SBNO1: variants seen among roughly 807,000 people sequenced by gnomAD.
The protein encoded by SBNO1 is protein strawberry notch homolog 1.
SBNO1 carries 23 observed loss-of-function variants against 173.6 expected under a neutral mutation model. The ratio of observed to expected loss-of-function variants is 0.13; its 90% CI spans 0.10 to 0.19. The LOEUF (loss-of-function observed/expected upper bound fraction) is 0.19. Among genes scored for constraint, SBNO1 ranks in the 10% least tolerant of loss-of-function variants. The probability of loss-of-function intolerance (pLI) is 1.00; values close to 1 mark genes in which losing one functional copy is unlikely to be tolerated. For missense variants in SBNO1, 1,238 were observed against 1,671.2 expected (o/e 0.74, Z 4.52); for synonymous variants, 632 against 571.5 (o/e 1.11, Z -1.51).
intron 7 of SBNO1, among the ~76,000 whole-genome samples, chr12:123,332,930 C>A (rs147530811): frequency 0.023 from 3,539 of 152,238 alleles, 66 homozygotes; most frequent in Non-Finnish European, 0.038. Context: ...CGAGACCATC[C>A]TGGCTAACAC....
chr12:123,324,595 T>C (rs1037946921), intron 15 of SBNO1, among the ~76,000 whole-genome samples: 73 of 152,072 alleles, frequency 4.8e-4, no homozygotes, highest in African/African-American at 1.7e-3. Flanking sequence ...GTGCCTGGAT[T>C]ACAGGCGTGA....
chr12:123,344,293 C>T (rs777823868), intron 4 of SBNO1, among the ~76,000 whole-genome samples: 3 of 152,158 alleles, frequency 2.0e-5, no homozygotes, highest in Non-Finnish European at 4.4e-5. Context: ...AGTCCTAAGA[C>T]AGCTAAAATG....
intron 2 of SBNO1, among the ~76,000 whole-genome samples, chr12:123,349,869 C>T (rs1467169104): frequency 1.3e-5 from 2 of 151,738 alleles, no homozygotes; most frequent in East Asian, 1.9e-4. Context: ...GCTGAGATTG[C>T]GCCACTGCAC....
chr12:123,355,839 C>T (rs187781888), intron 1 of SBNO1, among the ~76,000 whole-genome samples: 37 of 152,122 alleles, frequency 2.4e-4, no homozygotes, highest in Admixed American at 1.3e-3. Flanking sequence ...CAAAACAGTA[C>T]GCCTATGAAA....
At chr12:123,360,607 G>A (rs1317429258) in intron 1 of SBNO1, among the ~76,000 whole-genome samples, 1 of 151,802 alleles carries the variant, frequency 6.6e-6, no homozygotes, top group Non-Finnish European at 1.5e-5. Flanking sequence ...ACCACGCCCA[G>A]CTAATTTTTT....
rs2048579406 is a variant in SBNO1, at chr12:123,295,613, C to T, written c.*295G>A. 6.7e-6 allele frequency: 2 copies of T among 298,508 alleles called. No individual in the cohort carries two copies. Among genetic ancestry groups the T allele is most frequent in the African/African-American group, 2.1e-5 (1 of 47,490 alleles). 18.5% of individuals were successfully genotyped at this position (298,508 alleles called of 1,614,324 possible). ...CAACTGTGGTCTGTAGCCTTTAACA[C>T]ACTCACAAACAGACTGACACACACG... On this transcript the variant is annotated 3_prime_UTR_variant, in exon 32 of 32. Transcript: ENST00000602398.
At chr12:123,319,578 T>G (rs1473875951) in intron 20 of SBNO1, among the ~76,000 whole-genome samples, 1 of 151,996 alleles carries the variant, frequency 6.6e-6, no homozygotes, top group Non-Finnish European at 1.5e-5. Context: ...CAGCTAAATT[T>G]TTGTATTTTC....
At chr12:123,363,467 T>C (rs568364423) in intron 1 of SBNO1, among the ~76,000 whole-genome samples, 1 of 152,312 alleles carries the variant, frequency 6.6e-6, no homozygotes, top group East Asian at 1.9e-4. Context: ...CCCTTCTGGA[T>C]GACTCTTTAG....
chr12:123,300,644 C>T (rs1277040061), intron 30 of SBNO1, among the ~76,000 whole-genome samples: 7 of 151,026 alleles, frequency 4.6e-5, no homozygotes, highest in African/African-American at 7.3e-5. Context: ...GGTGACAGAG[C>T]GAGACTCCAT....
At position 123,300,838 on chromosome 12, in the gene SBNO1, A is replaced by C. The variant is rs575528010; in HGVS notation, c.3845+1986T>G. On this transcript the variant is annotated intron_variant, in intron 30 of 31. Coordinates refer to ENST00000602398, the MANE Select transcript of SBNO1 (RefSeq NM_001167856.3). ...AGCTGCGCATGGTGGCAGGCACTGT[A>C]GTCCTAGCTACTCGGGAGGCTGAGG... 4.0e-5 allele frequency among the ~76,000 whole-genome samples: 6 copies of C among 151,204 alleles called. No homozygotes were observed. The East Asian group carries it at 1.2e-3, about 30-fold the overall frequency.
intron 1 of SBNO1, chr12:123,364,327 G>A (rs938801810): frequency 7.1e-6 from 7 of 984,758 alleles, no homozygotes; most frequent in Non-Finnish European, 8.4e-6. Context: ...GCAGCCCCCG[G>A]GTTGTGAGGC....
chr12:123,317,539 G>C (rs926787702), intron 20 of SBNO1, among the ~76,000 whole-genome samples, 183 bp from the exon 21 acceptor site: 17 of 152,096 alleles, frequency 1.1e-4, no homozygotes, highest in African/African-American at 3.9e-4. Flanking sequence ...GCAAGGTGTA[G>C]GTAAAATGTA....
intron 8 of SBNO1, 33 bp downstream of exon 8, chr12:123,331,209 C>T (rs748909962): frequency 3.5e-5 from 56 of 1,606,848 alleles, no homozygotes; most frequent in Middle Eastern, 1.6e-4. Context: ...TGATCCGCTG[C>T]GCCTGGCCCA....
At chr12:123,347,120 A>C (rs1873264514) in intron 3 of SBNO1, among the ~76,000 whole-genome samples, 1 of 151,632 alleles carries the variant, frequency 6.6e-6, no homozygotes, top group South Asian at 2.1e-4. Flanking sequence ...AATGTGTCGC[A>C]AAGTAGGAGG....
intron 28 of SBNO1, among the ~76,000 whole-genome samples, chr12:123,305,998 G>A (rs981002781): frequency 1.9e-4 from 29 of 152,130 alleles, no homozygotes; most frequent in Non-Finnish European, 1.2e-4. Flanking sequence ...CATTGTTTGC[G>A]GGGCTATTAA....
At chr12:123,309,256 C>T (rs977329670) in intron 28 of SBNO1, 54 bp downstream of exon 28, 3 of 1,274,702 alleles carry the variant, frequency 2.4e-6, no homozygotes, top group South Asian at 2.4e-5. Flanking sequence ...AATTACAATG[C>T]TGGCCATTAA....
rs75153060 is a variant in SBNO1 at position 123,336,384 on chromosome 12, C to T, written c.748+11G>A. 16 of 1,494,550 alleles carry T rather than the reference C, an allele frequency of 1.1e-5. No homozygotes were observed. The African/African-American group carries it at 1.4e-4, about 13-fold the overall frequency. 92.6% of individuals were successfully genotyped at this position (1,494,550 alleles called of 1,614,324 possible). A position where few individuals can be genotyped will look rare whatever the true frequency, so the allele number is the denominator to read the frequency against. ...TTTGATGTAAATATCTGACAAATCC[C>T]GAAGACATACATTTTATTGGCATGT... On this transcript the variant is annotated intron_variant, in intron 6 of 31. Coordinates refer to ENST00000602398, the MANE Select transcript of SBNO1 (RefSeq NM_001167856.3).
At chr12:123,350,465 T>C in intron 1 of SBNO1, 24 bp from the exon 2 acceptor site, 1 of 1,598,648 alleles carries the variant, frequency 6.3e-7, no homozygotes, top group Non-Finnish European at 8.6e-7. Context: ...TATTAAATAT[T>C]AACATAAAAA....
chr12:123,319,691 G>C (rs1182123217), intron 20 of SBNO1, among the ~76,000 whole-genome samples: 2 of 152,056 alleles, frequency 1.3e-5, no homozygotes, highest in Non-Finnish European at 2.9e-5. Context: ...TTACAGGCCT[G>C]AGCCACTGCA....
Sources: gnomAD v4.1 joint callset for allele counts (sites outside exome capture counted in the v4.1 genomes callset) on GRCh38, gnomAD v4.1.1 for gene constraint, MANE v1.5 for transcripts, NCBI Gene and HGNC (gene_info 2026-07-23, HGNC 2026-07-21) for gene names.